DOK6: variants seen among roughly 807,000 people sequenced by gnomAD.
DOK6 encodes docking protein 6, also known as downstream of tyrosine kinase 6.
DOK6 carries 22 observed loss-of-function variants against 44.0 expected under a neutral mutation model. That is an observed-to-expected ratio of 0.50 (90% CI 0.36 to 0.71). The LOEUF (loss-of-function observed/expected upper bound fraction) is 0.71. DOK6 is among the 30% of genes least tolerant of loss of function. The probability of loss-of-function intolerance (pLI) is 0.00; values close to 1 mark genes in which losing one functional copy is unlikely to be tolerated. For missense variants in DOK6, 340 were observed against 416.4 expected (o/e 0.82, Z 1.60); for synonymous variants, 166 against 145.5 (o/e 1.14, Z -1.01).
intron 3 of DOK6, among the ~76,000 whole-genome samples, chr18:69,630,000 G>T (rs1213585621): frequency 6.6e-6 from 1 of 151,918 alleles, no homozygotes; most frequent in South Asian, 2.1e-4. Flanking sequence ...TCCTGGCCTC[G>T]GGTGATCCAC....
chr18:69,420,256 A>C (rs1978451511), intron 1 of DOK6, among the ~76,000 whole-genome samples: 2 of 152,014 alleles, frequency 1.3e-5, no homozygotes, highest in Admixed American at 1.3e-4. Flanking sequence ...GATTTTTTTC[A>C]GTTACTATTT....
chr18:69,437,178 A>G (rs763061138), intron 1 of DOK6, among the ~76,000 whole-genome samples: 1 of 152,022 alleles, frequency 6.6e-6, no homozygotes, highest in African/African-American at 2.4e-5. Flanking sequence ...CCATTTGTCA[A>G]TTTTGGTTTT....
At chr18:69,723,202 G>A (rs1961994) in intron 5 of DOK6, among the ~76,000 whole-genome samples, 72,139 of 152,060 alleles carry the variant, frequency 0.47, 17,561 homozygotes, top group East Asian at 0.72. Context: ...GGTCTAGGTG[G>A]AAGATAGCAC....
At chr18:69,757,100 T>C (rs78977821) in intron 6 of DOK6, among the ~76,000 whole-genome samples, 5,437 of 152,364 alleles carry the variant, frequency 0.036, 156 homozygotes, top group Non-Finnish European at 0.058. Flanking sequence ...TTCTCAGCAA[T>C]CCTTAAAATG....
At chr18:69,818,879 C>T (rs1011834799) in intron 7 of DOK6, among the ~76,000 whole-genome samples, 2 of 152,200 alleles carry the variant, frequency 1.3e-5, no homozygotes, top group African/African-American at 2.4e-5. Context: ...CACCAATAGT[C>T]ACACAAGCCT....
chr18:69,792,765 G>A (rs1412513718), intron 7 of DOK6, among the ~76,000 whole-genome samples: 2 of 151,974 alleles, frequency 1.3e-5, no homozygotes, highest in Non-Finnish European at 2.9e-5. Flanking sequence ...TCAAAAATAA[G>A]AACAATAAGT....
chr18:69,749,921 C>T (rs1341536911), intron 6 of DOK6, among the ~76,000 whole-genome samples: 14 of 143,120 alleles, frequency 9.8e-5, no homozygotes, highest in South Asian at 2.2e-4. Flanking sequence ...TCCTGCCTGG[C>T]GACAGAGCGA....
intron 3 of DOK6, among the ~76,000 whole-genome samples, chr18:69,621,858 G>T (rs893141847): frequency 5.9e-5 from 9 of 152,214 alleles, no homozygotes; most frequent in Non-Finnish European, 1.2e-4. Context: ...TATTGTTGCT[G>T]ATCACAGTGT....
intron 2 of DOK6, among the ~76,000 whole-genome samples, chr18:69,594,918 A>T (rs1223765970): frequency 6.6e-6 from 1 of 152,204 alleles, no homozygotes; most frequent in Non-Finnish European, 1.5e-5. Context: ...AAGTTGCAGC[A>T]TACAAAATCA....
At chr18:69,402,869 A>T (rs968609134) in intron 1 of DOK6, among the ~76,000 whole-genome samples, 1 of 152,188 alleles carries the variant, frequency 6.6e-6, no homozygotes, top group African/African-American at 2.4e-5. Flanking sequence ...TTCCAGGCAT[A>T]TAAGGACGAA....
intron 1 of DOK6, among the ~76,000 whole-genome samples, chr18:69,488,596 A>G (rs542360881): frequency 6.6e-6 from 1 of 152,212 alleles, no homozygotes; most frequent in African/African-American, 2.4e-5. Context: ...GAGGTGAAGG[A>G]GGAGCAAAGT....
intron 7 of DOK6, among the ~76,000 whole-genome samples, chr18:69,815,063 T>C (rs935024860): frequency 2.0e-5 from 3 of 152,116 alleles, no homozygotes; most frequent in Non-Finnish European, 4.4e-5. Flanking sequence ...TCTGTTCCCT[T>C]TAATTCCTAC....
chr18:69,516,435 A>G (rs1016681094), intron 1 of DOK6, among the ~76,000 whole-genome samples: 2 of 152,208 alleles, frequency 1.3e-5, no homozygotes, highest in African/African-American at 4.8e-5. Context: ...AACTTTCACC[A>G]GGTGAAGACA....
At position 69,774,133 on chromosome 18, in the gene DOK6, G is replaced by GATATATATATATATATGAGATAT. The variant is rs1979980513; in HGVS notation, c.856+16276_856+16277insGAGATATATATATATATATATAT. ...TAGATTTATATAGATATATATATGA[G>GATATATATATATATATGAGATAT]ATATATATATATATATATATATAAT... is the stretch of plus-strand genomic sequence containing the variant. On this transcript the variant is annotated intron_variant, in intron 7 of 7. Transcript: ENST00000382713. Among the ~76,000 whole-genome samples, 4 of 66,862 alleles carry GATATATATATATATATGAGATAT rather than the reference G, an allele frequency of 6.0e-5. 1 individual carries two copies. The highest frequency in any genetic ancestry group is 8.3e-5 in the African/African-American group (2 of 24,086). The allele number at this position is 66,862 out of a possible 152,430, so 43.9% of individuals were successfully genotyped here.
intron 3 of DOK6, among the ~76,000 whole-genome samples, chr18:69,640,114 AACAG>A (rs774414478): frequency 4.8e-4 from 73 of 152,220 alleles, no homozygotes; most frequent in Non-Finnish European, 7.8e-4. Context: ...AGTTGTAGTA[AACAG>A]ACAAAGGCTT....
chr18:69,652,842 G>T (rs1985265462), intron 3 of DOK6, among the ~76,000 whole-genome samples: 1 of 151,996 alleles, frequency 6.6e-6, no homozygotes, highest in African/African-American at 2.4e-5. Context: ...AGGCAAGCTT[G>T]AAAAAAGCAT....
intron 7 of DOK6, among the ~76,000 whole-genome samples, chr18:69,817,580 G>A (rs1234730472): frequency 6.6e-6 from 1 of 152,176 alleles, no homozygotes; most frequent in Admixed American, 6.5e-5. Flanking sequence ...AGAGGAGAGA[G>A]AGAACTGCAT....
At chr18:69,437,441 C>T (rs766229708) in intron 1 of DOK6, among the ~76,000 whole-genome samples, 27 of 152,074 alleles carry the variant, frequency 1.8e-4, no homozygotes, top group Non-Finnish European at 7.4e-5. Context: ...GGTTTTTTGT[C>T]AGGTTTTCCA....
In DOK6 at chr18:69,545,706, C is replaced by T. The variant is rs145587783; in HGVS notation, c.67-18781C>T. On this transcript the variant is annotated intron_variant, in intron 1 of 7. Coordinates refer to ENST00000382713, the MANE Select transcript of DOK6 (RefSeq NM_152721.6). ...ATTCATTTTGGTCTTTTCCACTATA[C>T]GAAATAAGATAAATTGAGATATACA... Among the ~76,000 whole-genome samples the T allele has an allele frequency of 1.7e-3, 255 of 151,118 alleles. 2 individuals are homozygous for T. The highest frequency in any genetic ancestry group is 5.5e-3 in the African/African-American group (226 of 41,422).
Sources: allele counts gnomAD v4.1 joint callset (sites outside exome capture counted in the v4.1 genomes callset), GRCh38; gene constraint gnomAD v4.1.1; transcripts MANE v1.5; gene names NCBI Gene and HGNC (gene_info 2026-07-23, HGNC 2026-07-21).